PTPRZ1: variants seen among roughly 807,000 people sequenced by gnomAD.
PTPRZ1 encodes the protein receptor-type tyrosine-protein phosphatase zeta.
Under a neutral mutation model 214.1 loss-of-function variants are expected in PTPRZ1, and 82 were observed. The ratio of observed to expected loss-of-function variants is 0.38; its 90% CI spans 0.32 to 0.46. The LOEUF is 0.46. Ranked by LOEUF, PTPRZ1 falls within the 20% of genes least tolerant of loss-of-function variation. The pLI is 1.00. For missense variants in PTPRZ1, 2,603 were observed against 2,748.7 expected (o/e 0.95, Z 1.19); for synonymous variants, 945 against 987.9 (o/e 0.96, Z 0.81).
chr7:122,034,104 G>T lies in PTPRZ1; in HGVS notation c.5176G>T (p.Glu1726Ter). Residue 1726 changes from glutamate (E) to a stop codon, truncating the protein, a stop_gained, in exon 16 of 30, where the codon GAG (glutamate) becomes TAG (stop). Transcript: ENST00000393386. LOFTEE classifies it high-confidence loss of function. The stretch of plus-strand genomic sequence containing the variant: ...TTCATTCCCTCATTAGACACTGAAA[G>T]AGTTTTACCAGGTAAGGCATTATTT... ...GFTEEFETLK[E>*]FYQEVQSCTV... 1 of 1,597,070 alleles carries T rather than the reference G, an allele frequency of 6.3e-7. No homozygotes were observed. Among genetic ancestry groups the T allele is most frequent in the Non-Finnish European group, 8.6e-7 (1 of 1,165,016 alleles).
Position 122,013,530 on chromosome 7 carries a change from A to C in PTPRZ1, c.4484A>C (p.Gln1495Pro). 1 of 1,614,164 alleles carries C rather than the reference A, an allele frequency of 6.2e-7. No homozygotes were observed. The change falls in exon 12 of 30, where the codon CAA becomes CCA. Residue 1495 changes from glutamine (Q) to proline (P), a missense_variant. Coordinates refer to ENST00000393386, the MANE Select transcript of PTPRZ1 (RefSeq NM_002851.3). ...GTCACAAGTGTATCCTCAGACAGTCAAACTGGTATGGACAGAAGTCCTGGT... is the reference window on the plus strand; with the variant it reads ...GTCACAAGTGTATCCTCAGACAGTCCAACTGGTATGGACAGAAGTCCTGGT... Reference protein sequence around the residue: ...NRVTSVSSDSQTGMDRSPGKS... With the variant: ...NRVTSVSSDSPTGMDRSPGKS...
At chr7:121,890,866 C>T (rs779332544) in intron 1 of PTPRZ1, among the ~76,000 whole-genome samples, 4 of 151,540 alleles carry the variant, frequency 2.6e-5, no homozygotes, top group Non-Finnish European at 5.9e-5. Context: ...ATTGTAGAGA[C>T]GGAATTTATC....
rs932715901 is a variant in PTPRZ1, at chr7:121,905,319, C to G, written c.59-22837C>G. Among the ~76,000 whole-genome samples the G allele has an allele frequency of 3.3e-5, 5 of 152,056 alleles. No homozygotes were observed. In the South Asian group the frequency reaches 1.0e-3, roughly 32 times the overall value. ...CAGATCCTACTACTGTCAACTTTTA[C>G]CCCAGCATCCCTCACACCTCTCCCT... On this transcript the variant is annotated intron_variant, in intron 1 of 29. Transcript: ENST00000393386.
intron 14 of PTPRZ1, 103 bp from the exon 15 acceptor site, chr7:122,031,371 T>G (rs1147496): frequency 0.057 from 44,801 of 789,994 alleles, 1,808 homozygotes; most frequent in East Asian, 0.18. Flanking sequence ...TTAGTTAGAA[T>G]TATACAAATA....
At position 122,054,047 on chromosome 7, in the gene PTPRZ1, C is replaced by G. The variant is rs776806557; in HGVS notation, c.6381+9C>G. 2.5e-6 allele frequency: 4 copies of G among 1,612,136 alleles called. No individual in the cohort carries two copies. The East Asian group carries it at 8.9e-5, about 36-fold the overall frequency. ...CTGATGGCCAAAACATGGTAAGTCC[C>G]TTAGACCACTTTTGGGACTTCCTTT... On this transcript the variant is annotated intron_variant, in intron 26 of 29. Transcript: ENST00000393386.
At chr7:121,918,036 T>C (rs1795475809) in intron 1 of PTPRZ1, among the ~76,000 whole-genome samples, 1 of 151,396 alleles carries the variant, frequency 6.6e-6, no homozygotes, top group Non-Finnish European at 1.5e-5. Flanking sequence ...TTCTTATTTC[T>C]AGACCGGCTA....
intron 17 of PTPRZ1, among the ~76,000 whole-genome samples, chr7:122,034,684 T>C (rs1271934019): frequency 6.6e-6 from 1 of 152,198 alleles, no homozygotes; most frequent in Non-Finnish European, 1.5e-5. Flanking sequence ...ATTATTTATA[T>C]GACTTGGTCC....
At chr7:121,993,919 C>T (rs577807091) in intron 8 of PTPRZ1, among the ~76,000 whole-genome samples, 41 of 152,118 alleles carry the variant, frequency 2.7e-4, no homozygotes, top group Non-Finnish European at 5.0e-4. Flanking sequence ...TGATAGCATA[C>T]AACTATATTG....
chr7:122,000,643 T>TTTCATATA (rs1798287927), intron 10 of PTPRZ1, among the ~76,000 whole-genome samples: 1 of 105,876 alleles, frequency 9.4e-6, no homozygotes, highest in African/African-American at 3.6e-5. Flanking sequence ...CTTTGATAGA[T>TTTCATATA]TTCATATATA....
rs1797293528 is a variant in PTPRZ1 at position 121,972,692 on chromosome 7, G to A, written c.456G>A (p.Glu152=). 2 of 1,599,982 alleles carry A rather than the reference G, an allele frequency of 1.3e-6. No individual in the cohort carries two copies. Among genetic ancestry groups the A allele is most frequent in the Middle Eastern group, 1.7e-4 (1 of 6,022 alleles). The change falls in exon 4 of 30, where the codon GAG becomes GAA. Residue 152 remains glutamate (E), a splice_region_variant and synonymous_variant. Transcript: ENST00000393386. ...TAGAAGGACAAAAATTTCCACTTGA[G>A]GTAAGTCAGGAGATCTGCTGTGTAC... is the stretch of plus-strand genomic sequence containing the variant. ...HSLEGQKFPL[E]MQIYCFDADR... is the part of the protein sequence containing the mutation.
rs568436566 is a variant in PTPRZ1 at position 121,902,269 on chromosome 7, A to C, written c.59-25887A>C. Among the ~76,000 whole-genome samples, 9 of 152,324 alleles carry C rather than the reference A, an allele frequency of 5.9e-5. No individual in the cohort carries two copies. The East Asian group carries it at 1.5e-3, about 26-fold the overall frequency. On this transcript the variant is annotated intron_variant, in intron 1 of 29. Coordinates refer to ENST00000393386, the MANE Select transcript of PTPRZ1 (RefSeq NM_002851.3). The stretch of plus-strand genomic sequence containing the variant: ...TATCCATTGATGGACACTTAGATTG[A>C]TTCCATATCTAGGCAACTGTGAATA...
At chr7:121,961,239 G>A (rs1244441805) in intron 2 of PTPRZ1, among the ~76,000 whole-genome samples, 1 of 151,960 alleles carries the variant, frequency 6.6e-6, no homozygotes, top group Non-Finnish European at 1.5e-5. Context: ...CCTCTCACTG[G>A]TCTCCCCAGG....
intron 15 of PTPRZ1, among the ~76,000 whole-genome samples, chr7:122,033,671 T>G (rs1191202422): frequency 1.3e-5 from 2 of 152,066 alleles, no homozygotes; most frequent in Non-Finnish European, 2.9e-5. Context: ...GTTTACTTTT[T>G]AAAGTAACCC....
At chr7:121,931,526 C>T (rs995935346) in intron 2 of PTPRZ1, among the ~76,000 whole-genome samples, 1 of 152,070 alleles carries the variant, frequency 6.6e-6, no homozygotes, top group Non-Finnish European at 1.5e-5. Context: ...CAGCTCCAAG[C>T]AAGGGTGGAT....
intron 2 of PTPRZ1, among the ~76,000 whole-genome samples, chr7:121,936,236 A>G (rs1220571658): frequency 6.6e-6 from 1 of 152,254 alleles, no homozygotes. Context: ...AATCATTTCT[A>G]TTATTCAGAC....
At chr7:121,983,937 A>T (rs755100660) in intron 7 of PTPRZ1, 30 bp from the exon 8 acceptor site, 1 of 1,606,050 alleles carries the variant, frequency 6.2e-7, no homozygotes, top group African/African-American at 1.3e-5. Context: ...TTTGAAGCAG[A>T]TATGTTAAAT....
chr7:121,915,211 G>A (rs1038910747), intron 1 of PTPRZ1, among the ~76,000 whole-genome samples: 4 of 152,144 alleles, frequency 2.6e-5, no homozygotes, highest in Non-Finnish European at 4.4e-5. Context: ...TCCCTGATCA[G>A]GAGGGAACAG....
intron 6 of PTPRZ1, among the ~76,000 whole-genome samples, chr7:121,982,175 AT>A (rs1285791868): frequency 6.6e-6 from 1 of 152,070 alleles, no homozygotes; most frequent in Non-Finnish European, 1.5e-5. Flanking sequence ...TTCCATAATA[AT>A]TTTTTCTATC....
At position 122,031,556 on chromosome 7, in the gene PTPRZ1, T is replaced by G. The variant is rs764849490; in HGVS notation, c.5163T>G (p.Phe1721Leu). Residue 1721 changes from phenylalanine (F) to leucine (L), a missense_variant, in exon 15 of 30, where the codon TTT (phenylalanine) becomes TTG (leucine). Phe to Leu is a conservative substitution (Grantham distance 22, BLOSUM62 0). This residue lies in a region of PTPRZ1 where 1,913 missense variants were observed against 1,914.3 expected (regional missense o/e 1.00). Transcript: ENST00000393386. ...CAAGTAGTGGGTTTACTGAAGAATTTGAGGTATGATTTTAATATGTCTATT... is the reference window on the plus strand; with the variant it reads ...CAAGTAGTGGGTTTACTGAAGAATTGGAGGTATGATTTTAATATGTCTATT... The part of the protein sequence containing the change: ...LHASSGFTEE[F>L]ETLKEFYQEV... 1.9e-6 allele frequency: 3 copies of G among 1,594,558 alleles called. No homozygotes were observed. The East Asian group carries it at 6.7e-5, about 36-fold the overall frequency.
Sources: allele counts gnomAD v4.1 joint callset (sites outside exome capture counted in the v4.1 genomes callset), GRCh38; gene constraint gnomAD v4.1.1; regional missense constraint gnomAD v4.1.1; transcripts MANE v1.5; gene names NCBI Gene and HGNC (gene_info 2026-07-23, HGNC 2026-07-21).